Variants in KCNK2 observed in about 807,000 individuals in gnomAD.
The protein encoded by KCNK2 is potassium two pore domain channel subfamily K member 2.
In KCNK2, 21 loss-of-function variants were observed where a neutral mutation model predicts 40.5. That is an observed-to-expected ratio of 0.52 (90% CI 0.37 to 0.75). KCNK2 has a LOEUF of 0.75. KCNK2 is among the 30% of genes least tolerant of loss of function. The pLI, the probability that KCNK2 is intolerant of heterozygous loss-of-function variation, is 0.00. For synonymous variants in KCNK2, 191 were observed against 202.2 expected, an observed-to-expected ratio of 0.94 and a Z score of 0.47; for missense variants, 399 against 531.6, an observed-to-expected ratio of 0.75 and a Z score of 2.45.
At chr1:215,087,561 A>G (rs987264416) in intron 2 of KCNK2, among the ~76,000 whole-genome samples, 3 of 152,354 alleles carry the variant, frequency 2.0e-5, no homozygotes, top group Admixed American at 6.5e-5. Context: ...TTTTCTCACA[A>G]GGAGTGACTT....
intron 1 of KCNK2, among the ~76,000 whole-genome samples, chr1:215,031,820 T>C (rs1292082450): frequency 6.6e-6 from 1 of 152,216 alleles, no homozygotes; most frequent in East Asian, 1.9e-4. Flanking sequence ...TTAATTCTTT[T>C]GGATTTTCTT....
chr1:215,045,947 T>C (rs200486779), intron 1 of KCNK2, among the ~76,000 whole-genome samples: 1 of 73,832 alleles, frequency 1.4e-5, no homozygotes, highest in African/African-American at 3.2e-5. Context: ...CACAGACACA[T>C]AGTATATTGT....
At chr1:215,027,663 C>T (rs1032186567) in intron 1 of KCNK2, among the ~76,000 whole-genome samples, 4 of 152,076 alleles carry the variant, frequency 2.6e-5, no homozygotes, top group African/African-American at 7.2e-5. Context: ...TACATTCCTC[C>T]GTGTGATTGA....
At chr1:215,034,791 A>G (rs373785612) in intron 1 of KCNK2, among the ~76,000 whole-genome samples, 1 of 151,914 alleles carries the variant, frequency 6.6e-6, no homozygotes, top group Admixed American at 6.6e-5. Context: ...TTATCTTTGG[A>G]CAGAACAAGG....
chr1:215,208,384 A>G (rs930908114), intron 6 of KCNK2, among the ~76,000 whole-genome samples: 5 of 152,146 alleles, frequency 3.3e-5, no homozygotes, highest in Non-Finnish European at 5.9e-5. Context: ...GGAGAGGAAC[A>G]GGAAGATAAT....
At chr1:215,201,308 G>A (rs1323679046) in intron 6 of KCNK2, among the ~76,000 whole-genome samples, 1 of 152,122 alleles carries the variant, frequency 6.6e-6, no homozygotes, top group Non-Finnish European at 1.5e-5. Flanking sequence ...TAAAATCGAT[G>A]AATAAAGTAA....
chr1:215,018,053 G>T (rs1324441322), intron 1 of KCNK2, among the ~76,000 whole-genome samples: 1 of 152,060 alleles, frequency 6.6e-6, no homozygotes, highest in Admixed American at 6.6e-5. Context: ...TATATAAATT[G>T]CATATGCACA....
intron 5 of KCNK2, among the ~76,000 whole-genome samples, chr1:215,183,975 T>C (rs776577872): frequency 6.6e-6 from 1 of 152,188 alleles, no homozygotes; most frequent in Non-Finnish European, 1.5e-5. Context: ...GGGACACTTT[T>C]ATGAACAAAG....
intron 3 of KCNK2, among the ~76,000 whole-genome samples, chr1:215,134,568 T>A (rs777646511): frequency 5.9e-5 from 9 of 152,200 alleles, no homozygotes; most frequent in Non-Finnish European, 1.0e-4. Flanking sequence ...CTTCATCATC[T>A]AAGTGTGGTT....
At chr1:215,100,837 G>A (rs1456072647) in intron 2 of KCNK2, among the ~76,000 whole-genome samples, 1 of 151,954 alleles carries the variant, frequency 6.6e-6, no homozygotes, top group Non-Finnish European at 1.5e-5. Context: ...TGTAATTATT[G>A]CTCAAAATAA....
intron 1 of KCNK2, among the ~76,000 whole-genome samples, chr1:215,034,689 T>C (rs558734875): frequency 6.6e-6 from 1 of 152,274 alleles, no homozygotes; most frequent in South Asian, 2.1e-4. Context: ...GATGCCTTTG[T>C]TGAAACCAGT....
intron 1 of KCNK2, among the ~76,000 whole-genome samples, chr1:215,023,371 A>T (rs1380271965): frequency 6.6e-6 from 1 of 152,186 alleles, no homozygotes; most frequent in Non-Finnish European, 1.5e-5. Context: ...GCTGTGCATA[A>T]CTGAATGTGC....
chr1:215,080,962 G>A (rs1171127064), upstream of KCNK2, among the ~76,000 whole-genome samples: 1 of 152,206 alleles, frequency 6.6e-6, no homozygotes, highest in Non-Finnish European at 1.5e-5. Context: ...TAATGCTGGT[G>A]GGCCTATATC....
intron 5 of KCNK2, among the ~76,000 whole-genome samples, chr1:215,190,722 C>G (rs1664631552): frequency 6.6e-6 from 1 of 152,138 alleles, no homozygotes; most frequent in South Asian, 2.1e-4. Flanking sequence ...GGCAATGTGA[C>G]TTAGTTCTAT....
intron 6 of KCNK2, among the ~76,000 whole-genome samples, chr1:215,220,755 A>T (rs765944317): frequency 2.0e-5 from 3 of 152,254 alleles, no homozygotes; most frequent in Admixed American, 6.5e-5. Flanking sequence ...GAGATTTGAA[A>T]CATCATTAAA....
At chr1:215,195,143 G>A (rs753373246) in intron 6 of KCNK2, 51 bp downstream of exon 6, 3 of 1,308,530 alleles carry the variant, frequency 2.3e-6, no homozygotes, top group South Asian at 1.5e-5. Context: ...ATTCAATAAA[G>A]GTTATTTTAA....
At chr1:215,171,950 T>A in intron 4 of KCNK2, 47 bp from the exon 5 acceptor site, 1 of 1,223,352 alleles carries the variant, frequency 8.2e-7, no homozygotes, top group Non-Finnish European at 1.1e-6. Flanking sequence ...CTCCCCCCAT[T>A]TATATACATA....
upstream of KCNK2, among the ~76,000 whole-genome samples, chr1:215,082,381 TG>T (rs1659194939): frequency 6.6e-6 from 1 of 152,116 alleles, no homozygotes; most frequent in South Asian, 2.1e-4. Flanking sequence ...GACGCCCTAG[TG>T]CAGGGGTCCA....
intron 1 of KCNK2, among the ~76,000 whole-genome samples, chr1:215,036,822 T>A (rs997882098): frequency 6.6e-6 from 1 of 151,912 alleles, no homozygotes; most frequent in African/African-American, 2.4e-5. Context: ...GATTTTCCAA[T>A]TGTTTGTACT....
Sources: allele counts gnomAD v4.1 joint callset (sites outside exome capture counted in the v4.1 genomes callset), GRCh38; gene constraint gnomAD v4.1.1; transcripts MANE v1.5; gene names NCBI Gene and HGNC (gene_info 2026-07-23, HGNC 2026-07-21).